SPAG16: variants seen among roughly 807,000 people sequenced by gnomAD.
The protein encoded by SPAG16 is sperm associated antigen 16.
A neutral mutation model predicts 80.4 loss-of-function variants in SPAG16; 86 were observed. That is an observed-to-expected ratio of 1.07 (90% CI 0.90 to 1.28). The LOEUF (loss-of-function observed/expected upper bound fraction) is 1.28. Among genes scored for constraint, SPAG16 ranks in the 50% most tolerant of loss-of-function variants. The probability of loss-of-function intolerance (pLI) is 0.00; values close to 1 mark genes in which losing one functional copy is unlikely to be tolerated. For missense variants in SPAG16, 870 were observed against 765.3 expected (o/e 1.14, Z -1.61); for synonymous variants, 294 against 265.9 (o/e 1.11, Z -1.03).
At chr2:213,404,145 T>C (rs1262193842) in intron 9 of SPAG16, among the ~76,000 whole-genome samples, 1 of 152,084 alleles carries the variant, frequency 6.6e-6, no homozygotes, top group Admixed American at 6.6e-5. Context: ...AGGTAATTTA[T>C]AGATTCAATG....
chr2:214,169,885 G>A (rs952949914), intron 15 of SPAG16, among the ~76,000 whole-genome samples: 2 of 151,986 alleles, frequency 1.3e-5, no homozygotes, highest in Admixed American at 6.6e-5. Flanking sequence ...ATTTCTGCCA[G>A]CAATACAGTG....
chr2:213,955,511 A>G (rs1405901814), intron 12 of SPAG16, among the ~76,000 whole-genome samples: 1 of 152,182 alleles, frequency 6.6e-6, no homozygotes, highest in East Asian at 1.9e-4. Flanking sequence ...GTAGTTTATT[A>G]TTAGACTCTT....
intron 10 of SPAG16, among the ~76,000 whole-genome samples, chr2:213,774,590 T>C (rs763375337): frequency 2.6e-4 from 40 of 152,172 alleles, no homozygotes; most frequent in African/African-American, 8.9e-4. Flanking sequence ...GGTTAGGATT[T>C]CAACATATTC....
rs77464603 is a variant in SPAG16 at position 213,492,653 on chromosome 2, A to G, written c.1070+2563A>G. On this transcript the variant is annotated intron_variant, in intron 10 of 15. Transcript: ENST00000331683. ...CTACAATACAGTGTTTATTGACCCA[A>G]TTATATACTTTTTTAAGGAAAAAAG... Among the ~76,000 whole-genome samples the G allele has an allele frequency of 8.6e-3, 1,293 of 151,036 alleles. 20 individuals are homozygous for G. The highest frequency in any genetic ancestry group is 0.029 in the African/African-American group (1,206 of 41,204).
chr2:213,917,480 G>T (rs2078023394), intron 11 of SPAG16, among the ~76,000 whole-genome samples: 1 of 152,122 alleles, frequency 6.6e-6, no homozygotes, highest in Non-Finnish European at 1.5e-5. Context: ...TTGTTGTAGA[G>T]ACGTTTCATT....
chr2:213,744,358 T>TACC (rs2067718310), intron 10 of SPAG16, among the ~76,000 whole-genome samples: 1 of 152,120 alleles, frequency 6.6e-6, no homozygotes, highest in East Asian at 1.9e-4. Context: ...ATTTCTCTCT[T>TACC]ACCACCCCAC....
chr2:213,977,586 G>T (rs2045482035), intron 12 of SPAG16, among the ~76,000 whole-genome samples: 1 of 151,910 alleles, frequency 6.6e-6, no homozygotes, highest in African/African-American at 2.4e-5. Flanking sequence ...GTTCTTAATT[G>T]TTGCCAACTC....
chr2:213,483,184 C>A (rs980636923), intron 9 of SPAG16, among the ~76,000 whole-genome samples: 1 of 152,108 alleles, frequency 6.6e-6, no homozygotes, highest in African/African-American at 2.4e-5. Flanking sequence ...ATGGTTCAAT[C>A]AAATTAAACA....
chr2:213,828,389 C>A (rs2073426941), intron 10 of SPAG16, among the ~76,000 whole-genome samples: 1 of 152,058 alleles, frequency 6.6e-6, no homozygotes, highest in Non-Finnish European at 1.5e-5. Context: ...ATTTCAATTT[C>A]TTTGTTAAAT....
At chr2:213,913,671 A>T (rs928191955) in intron 11 of SPAG16, among the ~76,000 whole-genome samples, 1 of 150,906 alleles carries the variant, frequency 6.6e-6, no homozygotes, top group African/African-American at 2.4e-5. Flanking sequence ...GTATATGTAC[A>T]TATGGATATA....
At chr2:214,284,477 TG>T (rs1251379032) in intron 15 of SPAG16, among the ~76,000 whole-genome samples, 1 of 152,206 alleles carries the variant, frequency 6.6e-6, no homozygotes, top group East Asian at 1.9e-4. Flanking sequence ...TACACCCTAC[TG>T]GTGGTGCATC....
At chr2:214,135,345 C>T (rs2054991586) in intron 14 of SPAG16, among the ~76,000 whole-genome samples, 1 of 152,192 alleles carries the variant, frequency 6.6e-6, no homozygotes, top group Non-Finnish European at 1.5e-5. Context: ...TCAATTTAAA[C>T]ACCTGCTTGC....
intron 10 of SPAG16, among the ~76,000 whole-genome samples, chr2:213,776,343 T>A (rs2069574612): frequency 6.6e-6 from 1 of 152,170 alleles, no homozygotes; most frequent in Non-Finnish European, 1.5e-5. Flanking sequence ...GAGAGGGCTA[T>A]AAGCTAAGGA....
At chr2:213,498,469 G>C (rs1321025654) in intron 10 of SPAG16, among the ~76,000 whole-genome samples, 1 of 152,046 alleles carries the variant, frequency 6.6e-6, no homozygotes, top group East Asian at 1.9e-4. Flanking sequence ...CATATTAAAA[G>C]TGCTTTTATA....
intron 4 of SPAG16, among the ~76,000 whole-genome samples, chr2:213,310,490 A>C (rs1250998553): frequency 2.6e-5 from 4 of 152,030 alleles, no homozygotes; most frequent in Non-Finnish European, 5.9e-5. Context: ...ATAAAACACA[A>C]AGATATTTTA....
intron 12 of SPAG16, among the ~76,000 whole-genome samples, chr2:213,962,525 A>G (rs2044498835): frequency 6.6e-6 from 1 of 152,172 alleles, no homozygotes; most frequent in African/African-American, 2.4e-5. Flanking sequence ...CGGCAAGGGT[A>G]TGTGTGTATA....
In SPAG16 at chr2:213,361,821, ACAC is replaced by A. The variant is rs1293178204; in HGVS notation, c.763-2254_763-2252del. Among the ~76,000 whole-genome samples the A allele has an allele frequency of 2.0e-5, 3 of 151,784 alleles. No homozygotes were observed. The South Asian group carries it at 6.3e-4, about 32-fold the overall frequency. ...CACACACACACACACACACACACAC[ACAC>A]ACACAGAGGCTGTGAATAAATTCAC... On this transcript the variant is annotated intron_variant, in intron 7 of 15. Coordinates refer to ENST00000331683, the MANE Select transcript of SPAG16 (RefSeq NM_024532.5).
chr2:213,370,257 A>C (rs1218116775), intron 8 of SPAG16, among the ~76,000 whole-genome samples: 1 of 152,210 alleles, frequency 6.6e-6, no homozygotes, highest in African/African-American at 2.4e-5. Context: ...ATGCATAAGA[A>C]ATACTTATGT....
At chr2:213,893,790 G>T (rs2076884215) in intron 11 of SPAG16, among the ~76,000 whole-genome samples, 1 of 151,916 alleles carries the variant, frequency 6.6e-6, no homozygotes, top group Non-Finnish European at 1.5e-5. Flanking sequence ...TACTAGCAGA[G>T]AAAATCAAAA....
Sources: allele counts gnomAD v4.1 joint callset (sites outside exome capture counted in the v4.1 genomes callset), GRCh38; gene constraint gnomAD v4.1.1; transcripts MANE v1.5; gene names NCBI Gene and HGNC (gene_info 2026-07-23, HGNC 2026-07-21).